ADAMTS17: variants seen among roughly 807,000 people sequenced by gnomAD.
ADAMTS17 encodes A disintegrin and metalloproteinase with thrombospondin motifs 17.
Under a neutral mutation model 141.5 loss-of-function variants are expected in ADAMTS17, and 113 were observed. The observed-to-expected ratio is 0.80, with a 90% CI of 0.69 to 0.93. ADAMTS17 has a LOEUF of 0.93. Ranked by LOEUF, ADAMTS17 falls within the 40% of genes least tolerant of loss-of-function variation. The pLI, the probability that ADAMTS17 is intolerant of heterozygous loss-of-function variation, is 0.00. For synonymous variants in ADAMTS17, 768 were observed against 630.6 expected (o/e 1.22, Z -3.27); for missense variants, 1,659 against 1,517.9 (o/e 1.09, Z -1.54).
At chr15:100,299,886 C>T (rs949946254) in intron 3 of ADAMTS17, among the ~76,000 whole-genome samples, 22 of 152,290 alleles carry the variant, frequency 1.4e-4, no homozygotes, top group African/African-American at 3.9e-4. Context: ...TGTGTCCCCA[C>T]GCTGCTAGGT....
chr15:100,096,609 C>G (rs775552192), intron 14 of ADAMTS17, 133 bp from the exon 15 acceptor site: 12 of 1,129,140 alleles, frequency 1.1e-5, no homozygotes, highest in Non-Finnish European at 1.4e-5. Context: ...TTCAGAGGCC[C>G]AAGAAAATAT....
At chr15:100,035,804 C>G (rs1443963797) in intron 18 of ADAMTS17, among the ~76,000 whole-genome samples, 4 of 152,010 alleles carry the variant, frequency 2.6e-5, no homozygotes, top group African/African-American at 7.3e-5. Context: ...CTGCAAGAAC[C>G]TGGGAGTAAG....
At chr15:100,159,707 TC>T (rs1451663596) in intron 8 of ADAMTS17, among the ~76,000 whole-genome samples, 1 of 152,212 alleles carries the variant, frequency 6.6e-6, no homozygotes, top group African/African-American at 2.4e-5. Context: ...ATGGTCTTAA[TC>T]AGCATTAACA....
At chr15:100,156,317 A>G (rs113528738) in intron 8 of ADAMTS17, among the ~76,000 whole-genome samples, 82 of 152,260 alleles carry the variant, frequency 5.4e-4, no homozygotes, top group African/African-American at 1.5e-3. Context: ...TGTCTCCCCA[A>G]AAGAAACCCA....
chr15:100,276,628 T>G (rs2044106510), intron 4 of ADAMTS17, among the ~76,000 whole-genome samples: 1 of 151,986 alleles, frequency 6.6e-6, no homozygotes, highest in South Asian at 2.1e-4. Context: ...CAGATTTCCT[T>G]CCAAATCTGG....
chr15:100,023,511 A>T (rs1158359942), intron 18 of ADAMTS17, among the ~76,000 whole-genome samples: 2 of 152,086 alleles, frequency 1.3e-5, no homozygotes, highest in African/African-American at 4.8e-5. Flanking sequence ...TGGCCAAGAA[A>T]ATTTTATTCA....
intron 3 of ADAMTS17, chr15:100,306,687 C>A: frequency 2.4e-6 from 1 of 419,386 alleles, no homozygotes. Context: ...GCTCATCGTG[C>A]AGCAACAGGG....
At chr15:99,994,225 G>C (rs2060749521) in intron 19 of ADAMTS17, among the ~76,000 whole-genome samples, 2 of 152,208 alleles carry the variant, frequency 1.3e-5, no homozygotes, top group African/African-American at 2.4e-5. Context: ...TGGTGTGCAG[G>C]AGGCTGCAGT....
intron 9 of ADAMTS17, among the ~76,000 whole-genome samples, chr15:100,154,947 C>T (rs760321349): frequency 2.0e-5 from 3 of 152,178 alleles, no homozygotes; most frequent in Non-Finnish European, 4.4e-5. Flanking sequence ...ACATTTGAGT[C>T]GATCGGCAAT....
In ADAMTS17 at chr15:99,987,786, T is replaced by A. The variant is rs112442901; in HGVS notation, c.2949+5262A>T. On this transcript the variant is annotated intron_variant, in intron 20 of 21. Coordinates refer to ENST00000268070, the MANE Select transcript of ADAMTS17 (RefSeq NM_139057.4). ...GGCAGAGAGGGAAAACGGGCAAGTT[T>A]CTCTATCTGGGGAGAGGGTAGTGAG... 4.8e-3 allele frequency among the ~76,000 whole-genome samples: 729 copies of A among 152,200 alleles called. 2 individuals carry two copies. The highest frequency in any genetic ancestry group is 0.016 in the African/African-American group (668 of 41,516).
chr15:100,222,897 G>A (rs1041281806), intron 7 of ADAMTS17, among the ~76,000 whole-genome samples: 1 of 152,174 alleles, frequency 6.6e-6, no homozygotes, highest in Admixed American at 6.5e-5. Context: ...ATGGTCTTTT[G>A]AATTGTGTTC....
intron 10 of ADAMTS17, among the ~76,000 whole-genome samples, chr15:100,151,203 C>T (rs145513650): frequency 2.0e-4 from 31 of 152,292 alleles, no homozygotes; most frequent in Middle Eastern, 3.4e-3. Flanking sequence ...AGGGGACCCT[C>T]GCAGGCGTGC....
intron 7 of ADAMTS17, among the ~76,000 whole-genome samples, chr15:100,253,357 G>T (rs545607032): frequency 5.9e-4 from 65 of 110,868 alleles, no homozygotes; most frequent in Non-Finnish European, 9.9e-4. Flanking sequence ...AGGTGAGGGA[G>T]GGGAAGGTAG....
chr15:100,191,942 A>G (rs1221039918), intron 8 of ADAMTS17, among the ~76,000 whole-genome samples: 3 of 152,350 alleles, frequency 2.0e-5, no homozygotes, highest in African/African-American at 7.2e-5. Context: ...AAGTCTCACC[A>G]GCAAAACACC....
At chr15:100,335,536 C>G (rs1290663148) in intron 2 of ADAMTS17, among the ~76,000 whole-genome samples, 1 of 152,206 alleles carries the variant, frequency 6.6e-6, no homozygotes, top group Non-Finnish European at 1.5e-5. Flanking sequence ...GTCTTTCTCT[C>G]TGAGCCTTGC....
At position 99,993,981 on chromosome 15, in the gene ADAMTS17, A is replaced by C. The variant is rs947859743; in HGVS notation, c.2797-781T>G. Among the ~76,000 whole-genome samples, 4 of 152,158 alleles carry C rather than the reference A, an allele frequency of 2.6e-5. No homozygotes were observed. The highest frequency in any genetic ancestry group is 7.2e-5 in the African/African-American group (3 of 41,436). On this transcript the variant is annotated intron_variant, in intron 19 of 21. Coordinates refer to ENST00000268070, the MANE Select transcript of ADAMTS17 (RefSeq NM_139057.4). This position sits in a 1 kb window ranked among gnomAD's most constrained non-coding sequence, Gnocchi z 4.3. Reference sequence around the variant, plus strand: ...GAGGCAGGGGGCATGACAGGGTGTCAACACAGCAGACAGGCACTCTGGAGT... The same window carrying C: ...GAGGCAGGGGGCATGACAGGGTGTCCACACAGCAGACAGGCACTCTGGAGT...
chr15:100,171,206 C>G (rs561282105), intron 8 of ADAMTS17, among the ~76,000 whole-genome samples: 11 of 152,284 alleles, frequency 7.2e-5, no homozygotes, highest in Non-Finnish European at 1.3e-4. Flanking sequence ...CAGGGATGTC[C>G]GATGGGACAG....
rs1021743171 is a variant in ADAMTS17 at position 100,002,998 on chromosome 15, C to T, written c.2592-5409G>A. Among the ~76,000 whole-genome samples, 2 of 152,072 alleles carry T rather than the reference C, an allele frequency of 1.3e-5. 1 individual carries two copies. The highest frequency in any genetic ancestry group is 4.8e-5 in the African/African-American group (2 of 41,336). ...GCCAGGGATGCTCTGCCATTCACCC[C>T]TCCTCTGGGGCTGCCCCTGCCTCCC... On this transcript the variant is annotated intron_variant, in intron 18 of 21. Transcript: ENST00000268070.
Position 100,069,726 on chromosome 15 carries a change from A to G in ADAMTS17, c.2138-15672T>C, listed in dbSNP as rs1447154061. Among the ~76,000 whole-genome samples, 2 of 151,458 alleles carry G rather than the reference A, an allele frequency of 1.3e-5. 1 individual carries two copies. Among genetic ancestry groups the G allele is most frequent in the Non-Finnish European group, 2.9e-5 (2 of 67,842 alleles). On this transcript the variant is annotated intron_variant, in intron 15 of 21. Coordinates refer to ENST00000268070, the MANE Select transcript of ADAMTS17 (RefSeq NM_139057.4). ...TTTGTCACCACCAGGCCTGCCCTAC[A>G]AGAGCTCCTGAAGGAAGCACTAAAC...
Sources: gnomAD v4.1 joint callset for allele counts (sites outside exome capture counted in the v4.1 genomes callset) on GRCh38, gnomAD v4.1.1 for gene constraint, Gnocchi (gnomAD v3.1) non-coding constraint, MANE v1.5 for transcripts, NCBI Gene and HGNC (gene_info 2026-07-23, HGNC 2026-07-21) for gene names.